Variants in NBEA observed in about 807,000 individuals in gnomAD.
The protein encoded by NBEA is lysosomal-trafficking regulator 2.
A neutral mutation model predicts 343.4 loss-of-function variants in NBEA; 44 were observed. That is an observed-to-expected ratio of 0.13 (90% confidence interval 0.10 to 0.16). NBEA has a LOEUF of 0.16. NBEA is among the 10% of genes least tolerant of loss of function. The pLI is 1.00. For missense variants in NBEA, 2,555 were observed against 3,631.3 expected, an observed-to-expected ratio of 0.70 and a Z score of 7.62; for synonymous variants, 1,175 against 1,238.7, an observed-to-expected ratio of 0.95 and a Z score of 1.08.
chr13:35,029,810 C>T (rs1250358818), intron 1 of NBEA, among the ~76,000 whole-genome samples: 1 of 151,556 alleles, frequency 6.6e-6, no homozygotes, highest in South Asian at 2.1e-4. Flanking sequence ...AATTTTTATT[C>T]AGTAAAGTTT....
intron 40 of NBEA, among the ~76,000 whole-genome samples, chr13:35,464,289 T>C (rs976077086): frequency 6.6e-6 from 1 of 152,216 alleles, no homozygotes; most frequent in Non-Finnish European, 1.5e-5. Context: ...CATCTCACAC[T>C]GCTTTCCCTT....
At chr13:34,961,066 T>C (rs997395276) in intron 1 of NBEA, among the ~76,000 whole-genome samples, 4 of 152,086 alleles carry the variant, frequency 2.6e-5, no homozygotes, top group South Asian at 2.1e-4. Context: ...AACAGAGATT[T>C]GAATTCCAAC....
At chr13:35,112,804 C>G (rs1345932206) in intron 13 of NBEA, among the ~76,000 whole-genome samples, 1 of 151,770 alleles carries the variant, frequency 6.6e-6, no homozygotes, top group East Asian at 1.9e-4. Context: ...TTTTCTGATT[C>G]GATTGGTAAT....
At chr13:35,428,867 T>C (rs1159032582) in intron 38 of NBEA, among the ~76,000 whole-genome samples, 1 of 152,212 alleles carries the variant, frequency 6.6e-6, no homozygotes, top group Non-Finnish European at 1.5e-5. Flanking sequence ...TAACATTGCT[T>C]CATCTGGAAG....
intron 8 of NBEA, among the ~76,000 whole-genome samples, chr13:35,059,075 C>A (rs1045031052): frequency 6.6e-6 from 1 of 151,920 alleles, no homozygotes; most frequent in Non-Finnish European, 1.5e-5. Context: ...TTCTAATATT[C>A]ATGGCATGCC....
chr13:35,429,486 G>A (rs2044944353), intron 38 of NBEA, among the ~76,000 whole-genome samples: 1 of 152,022 alleles, frequency 6.6e-6, no homozygotes, highest in Non-Finnish European at 1.5e-5. Context: ...GTACTCATTG[G>A]TCTATCTGGG....
At chr13:35,226,195 T>C (rs1216829868) in intron 33 of NBEA, among the ~76,000 whole-genome samples, 2 of 152,150 alleles carry the variant, frequency 1.3e-5, no homozygotes. Context: ...AGCTCTGAAA[T>C]TGGAATGGCT....
chr13:35,452,471 T>C (rs903289470), intron 40 of NBEA, among the ~76,000 whole-genome samples: 2 of 152,198 alleles, frequency 1.3e-5, no homozygotes, highest in Non-Finnish European at 2.9e-5. Flanking sequence ...AAGAGCAATT[T>C]TTTATATAGA....
chr13:35,171,144 C>A, intron 25 of NBEA, 128 bp from the exon 26 acceptor site: 1 of 896,836 alleles, frequency 1.1e-6, no homozygotes, highest in Non-Finnish European at 1.8e-6. Flanking sequence ...ATTAGTTGAA[C>A]ATTTATTTTA....
intron 1 of NBEA, among the ~76,000 whole-genome samples, chr13:35,023,631 T>G (rs1019580429): frequency 6.6e-6 from 1 of 152,114 alleles, no homozygotes; most frequent in Admixed American, 6.6e-5. Flanking sequence ...TACATCTGTG[T>G]GTGTATGTAA....
chr13:35,053,512 T>C (rs2063138908), intron 6 of NBEA, among the ~76,000 whole-genome samples: 1 of 152,148 alleles, frequency 6.6e-6, no homozygotes, highest in Admixed American at 6.6e-5. Context: ...GTATTTACTT[T>C]TATTACTCCC....
At chr13:35,336,301 G>A (rs2039254555) in intron 36 of NBEA, among the ~76,000 whole-genome samples, 2 of 151,958 alleles carry the variant, frequency 1.3e-5, no homozygotes, top group African/African-American at 4.8e-5. Flanking sequence ...CCCACACACA[G>A]CAAAAAACCA....
intron 49 of NBEA, among the ~76,000 whole-genome samples, chr13:35,641,176 T>G (rs2083930173): frequency 6.6e-6 from 1 of 152,206 alleles, no homozygotes; most frequent in Admixed American, 6.5e-5. Flanking sequence ...TTACATAATG[T>G]AAATCATTAC....
intron 47 of NBEA, among the ~76,000 whole-genome samples, chr13:35,595,908 A>G (rs2081774972): frequency 6.6e-6 from 1 of 152,048 alleles, no homozygotes; most frequent in African/African-American, 2.4e-5. Context: ...AGTGACGTGG[A>G]ACATTTTTCA....
intron 41 of NBEA, among the ~76,000 whole-genome samples, chr13:35,508,864 C>G (rs1428135911): frequency 6.6e-6 from 1 of 152,130 alleles, no homozygotes; most frequent in Non-Finnish European, 1.5e-5. Flanking sequence ...AGTCACAGAA[C>G]TGGATGAGTT....
intron 34 of NBEA, among the ~76,000 whole-genome samples, chr13:35,235,048 T>G (rs995360238): frequency 1.3e-5 from 2 of 152,190 alleles, no homozygotes; most frequent in African/African-American, 2.4e-5. Flanking sequence ...ATTATTAACA[T>G]TACAAATATT....
Position 35,651,805 on chromosome 13 carries a change from G to T in NBEA, c.7964G>T (p.Gly2655Val). The part of the protein sequence containing the change: ...FAVNRWHNTV[G>V]LRGAPGYSLD... ...TTTTCTCTCTTTTTTTAATCTTTAGGCCTCAGAGGAGCTCCAGGATACTCC... is the reference window on the plus strand; with the variant it reads ...TTTTCTCTCTTTTTTTAATCTTTAGTCCTCAGAGGAGCTCCAGGATACTCC... The change falls in exon 53 of 59, where the codon GGC becomes GTC. Residue 2655 changes from glycine to valine, a missense_variant and splice_region_variant. Gly to Val is a moderately radical substitution (Grantham distance 109, BLOSUM62 -3). Transcript: ENST00000379939. 1 of 1,526,466 alleles carries T rather than the reference G, an allele frequency of 6.6e-7. No homozygotes were observed. Among genetic ancestry groups the T allele is most frequent in the Non-Finnish European group, 8.9e-7 (1 of 1,124,670 alleles). 94.6% of individuals were successfully genotyped at this position (1,526,466 alleles called of 1,614,324 possible).
At chr13:35,356,315 T>G (rs1404098703) in intron 38 of NBEA, among the ~76,000 whole-genome samples, 1 of 152,194 alleles carries the variant, frequency 6.6e-6, no homozygotes, top group Non-Finnish European at 1.5e-5. Flanking sequence ...AGTTTATATA[T>G]TCTAACTGGA....
intron 52 of NBEA, among the ~76,000 whole-genome samples, chr13:35,651,294 C>T (rs2084509838): frequency 6.6e-6 from 1 of 152,120 alleles, no homozygotes; most frequent in Non-Finnish European, 1.5e-5. Flanking sequence ...TTACTTGTCA[C>T]ATGTTGAAAA....
Sources: allele counts gnomAD v4.1 joint callset (sites outside exome capture counted in the v4.1 genomes callset), GRCh38; gene constraint gnomAD v4.1.1; transcripts MANE v1.5; gene names NCBI Gene and HGNC (gene_info 2026-07-23, HGNC 2026-07-21).